Variants in LVRN observed in about 807,000 individuals in gnomAD.
LVRN encodes aminopeptidase Q.
A neutral mutation model predicts 111.4 loss-of-function variants in LVRN; 99 were observed. That is an observed-to-expected ratio of 0.89 (90% CI 0.76 to 1.05). The LOEUF is 1.05. Among genes scored for constraint, LVRN ranks in the 50% least tolerant of loss-of-function variants. LVRN has a pLI of 0.00. For synonymous variants in LVRN, 488 were observed against 449.5 expected (o/e 1.09, Z -1.08); for missense variants, 1,414 against 1,206.8 (o/e 1.17, Z -2.54).
chr5:115,972,542 A>G lies in LVRN; in HGVS notation c.695+9230A>G, dbSNP rs555439359. On this transcript the variant is annotated intron_variant, in intron 1 of 19. Transcript: ENST00000357872. ...TAGGTTGTCATACTGTCTTGAATAA[A>G]GACAGTTTTACTTCTACTTTAGTTT... Among the ~76,000 whole-genome samples the G allele has an allele frequency of 2.6e-5, 4 of 152,084 alleles. No homozygotes were observed. The East Asian group carries it at 7.7e-4, about 29-fold the overall frequency.
At chr5:115,996,786 G>C (rs4921046) in intron 6 of LVRN, among the ~76,000 whole-genome samples, 68,139 of 151,836 alleles carry the variant, frequency 0.45, 15,586 homozygotes, top group South Asian at 0.52. Flanking sequence ...CTTGGTGAAG[G>C]GAAAAGGTAC....
chr5:116,014,146 T>G (rs1748548324), intron 15 of LVRN, among the ~76,000 whole-genome samples: 1 of 152,160 alleles, frequency 6.6e-6, no homozygotes, highest in Non-Finnish European at 1.5e-5. Flanking sequence ...CATGTGTGTT[T>G]AAGGGAGATG....
chr5:116,012,339 C>A, intron 14 of LVRN, 35 bp from the exon 15 acceptor site: 1 of 1,169,482 alleles, frequency 8.6e-7, no homozygotes, highest in Non-Finnish European at 1.2e-6. Flanking sequence ...GTTTGCAAGC[C>A]AGAACTAACA....
At chr5:116,024,997 C>G (rs1289699106) in intron 19 of LVRN, among the ~76,000 whole-genome samples, 1 of 152,066 alleles carries the variant, frequency 6.6e-6, no homozygotes, top group Non-Finnish European at 1.5e-5. Context: ...TTTTTATATT[C>G]CCCCTCCTAG....
intron 9 of LVRN, 92 bp downstream of exon 9, chr5:116,000,750 A>T: frequency 7.3e-7 from 1 of 1,363,336 alleles, no homozygotes; most frequent in African/African-American, 1.4e-5. Flanking sequence ...GCAGTTCCAC[A>T]GGAAAACAGC....
chr5:115,979,622 T>G (rs963762881), intron 1 of LVRN, among the ~76,000 whole-genome samples: 1 of 152,216 alleles, frequency 6.6e-6, no homozygotes, highest in Non-Finnish European at 1.5e-5. Context: ...ATATCTATTA[T>G]GTTTTGTTGC....
chr5:116,019,950 C>T (rs757433953), intron 18 of LVRN: 5 of 152,310 alleles, frequency 3.3e-5, no homozygotes, highest in Non-Finnish European at 7.3e-5. Flanking sequence ...CAGGCAAGCT[C>T]ACAGACATCG....
In LVRN at chr5:116,003,305, G is replaced by T; in HGVS notation, c.1962G>T (p.Met654Ile). The T allele has an allele frequency of 1.9e-6, 3 of 1,565,480 alleles. No homozygotes were observed. Among genetic ancestry groups the T allele is most frequent in the South Asian group, 2.3e-5 (2 of 86,160 alleles). Residue 654 changes from methionine (M) to isoleucine (I), a missense_variant, in exon 12 of 20, where the codon ATG becomes ATT. Transcript: ENST00000357872. Reference sequence around the variant, plus strand: ...ACTGGGTGATTTTGAATTTGAATATGACTGGATATTATAGAGTTAATTATG... The same window carrying T: ...ACTGGGTGATTTTGAATTTGAATATTACTGGATATTATAGAGTTAATTATG... ...DHDWVILNLN[M>I]TGYYRVNYDK...
At chr5:116,021,920 A>G (rs188335025) in intron 18 of LVRN, among the ~76,000 whole-genome samples, 68 of 152,328 alleles carry the variant, frequency 4.5e-4, no homozygotes, top group Admixed American at 8.5e-4. Context: ...ACCAACATTT[A>G]GAGAACATCA....
In LVRN at chr5:115,962,934, A is replaced by G. The variant is rs1301138244; in HGVS notation, c.317A>G (p.His106Arg). 3 of 1,612,950 alleles carry G rather than the reference A, an allele frequency of 1.9e-6. No individual in the cohort carries two copies. The highest frequency in any genetic ancestry group is 2.5e-6 in the Non-Finnish European group (3 of 1,179,754). Residue 106 changes from histidine to arginine, a missense_variant, in exon 1 of 20, where the codon CAC becomes CGC. Physicochemically the swap from His to Arg is conservative, Grantham distance 29. Transcript: ENST00000357872. ...CTGCCGCCCTGGCTCGTGCCGCTGC[A>G]CTACGATCTGGAGCTGTGGCCGCAG... ...LRLPPWLVPL[H>R]YDLELWPQLR...
chr5:115,974,076 G>A (rs1436479563), intron 1 of LVRN, among the ~76,000 whole-genome samples: 1 of 152,070 alleles, frequency 6.6e-6, no homozygotes, highest in East Asian at 1.9e-4. Flanking sequence ...AGGAGGTAAG[G>A]TTTCCTGTTT....
rs761753851 is a variant in LVRN at position 116,015,583 on chromosome 5, A to T, written c.2619-45A>T. On this transcript the variant is annotated intron_variant, in intron 17 of 19. Transcript: ENST00000357872. ...TTTTGTTTATTTAAATTAACTCTTT[A>T]TGTTGGATGTTTAAAATGTATTTTT... 5.1e-6 allele frequency: 8 copies of T among 1,572,518 alleles called. No individual in the cohort carries two copies. In the South Asian group the frequency reaches 9.7e-5, roughly 19 times the overall value.
intron 1 of LVRN, among the ~76,000 whole-genome samples, chr5:115,979,307 G>A (rs548644689): frequency 2.0e-5 from 3 of 152,222 alleles, no homozygotes; most frequent in South Asian, 2.1e-4. Flanking sequence ...AGTGAGTTGG[G>A]CTTCTAAGCC....
chr5:115,962,947 G>A lies in LVRN; in HGVS notation c.330G>A (p.Glu110=), dbSNP rs1561550363. 3.7e-6 allele frequency: 6 copies of A among 1,613,122 alleles called. No individual in the cohort carries two copies. Among genetic ancestry groups the A allele is most frequent in the Non-Finnish European group, 5.1e-6 (6 of 1,179,816 alleles). ...PWLVPLHYDL[E]LWPQLRPDEL... is the part of the protein sequence containing the mutation. Reference sequence around the variant, plus strand: ...TCGTGCCGCTGCACTACGATCTGGAGCTGTGGCCGCAGCTGAGGCCCGACG... The same window carrying A: ...TCGTGCCGCTGCACTACGATCTGGAACTGTGGCCGCAGCTGAGGCCCGACG... Residue 110 remains glutamate (E), a synonymous_variant, in exon 1 of 20, where the codon GAG becomes GAA. Coordinates refer to ENST00000357872, the MANE Select transcript of LVRN (RefSeq NM_173800.5).
At chr5:115,967,362 A>AT (rs1392359704) in intron 1 of LVRN, among the ~76,000 whole-genome samples, 1 of 152,018 alleles carries the variant, frequency 6.6e-6, no homozygotes, top group African/African-American at 2.4e-5. Flanking sequence ...ATGGATATCC[A>AT]TTTTTTCCAG....
rs149202659 is a variant in LVRN, at chr5:115,963,271, G to A, written c.654G>A (p.Glu218=). 371 of 1,612,600 alleles carry A rather than the reference G, an allele frequency of 2.3e-4. 2 individuals carry two copies. Among genetic ancestry groups the A allele is most frequent in the Admixed American group, 4.5e-4 (27 of 60,008 alleles). ...FSGLVKEDLR[E]GLFLNVYTDQ... ...GCCTGGTGAAGGAAGACCTCAGGGAGGGACTCTTCCTCAACGTCTACACCG... is the reference window on the plus strand; with the variant it reads ...GCCTGGTGAAGGAAGACCTCAGGGAAGGACTCTTCCTCAACGTCTACACCG... The change falls in exon 1 of 20, where the codon GAG becomes GAA. Residue 218 remains glutamate, a synonymous_variant. Coordinates refer to ENST00000357872, the MANE Select transcript of LVRN (RefSeq NM_173800.5).
intron 1 of LVRN, among the ~76,000 whole-genome samples, chr5:115,981,272 ATACT>A (rs1753554122): frequency 1.3e-5 from 2 of 152,200 alleles, no homozygotes; most frequent in African/African-American, 4.8e-5. Context: ...GGCTAAACAA[ATACT>A]TATACAATTG....
At chr5:115,974,170 T>A (rs1299692668) in intron 1 of LVRN, among the ~76,000 whole-genome samples, 1 of 152,222 alleles carries the variant, frequency 6.6e-6, no homozygotes, top group Non-Finnish European at 1.5e-5. Context: ...GTTAGTCTTT[T>A]GATACTACAG....
At chr5:116,005,710 A>G (rs557442612) in intron 12 of LVRN, 21 of 643,554 alleles carry the variant, frequency 3.3e-5, no homozygotes, top group African/African-American at 2.9e-4. Context: ...TGATGTCCAG[A>G]GGGTTCATTT....
Sources: gnomAD v4.1 joint callset for allele counts (sites outside exome capture counted in the v4.1 genomes callset) on GRCh38, gnomAD v4.1.1 for gene constraint, MANE v1.5 for transcripts, NCBI Gene and HGNC (gene_info 2026-07-23, HGNC 2026-07-21) for gene names.